The following NOTCH2NLA variants were observed in gnomAD, a reference collection of about 807,000 sequenced individuals.
NOTCH2NLA encodes the protein notch 2 N-terminal like A.
At chr1:146,224,004 C>T (rs1553819067) in intron 1 of NOTCH2NLA, among the ~76,000 whole-genome samples, 1 of 138,824 alleles carries the variant, frequency 7.2e-6, no homozygotes, top group Non-Finnish European at 1.6e-5. Context: ...GGATCAAAAT[C>T]ATGTGGCAGA....
intron 3 of NOTCH2NLA, among the ~76,000 whole-genome samples, chr1:146,159,383 GAGAAAGAGAGAGAA>G (rs1377908625): frequency 6.0e-5 from 8 of 132,922 alleles, no homozygotes; most frequent in African/African-American, 2.0e-4. Context: ...GAGAGGAAGA[GAGAAAGAGAGAGAA>G]AGAAAGAAAG....
chr1:146,160,019 C>T (rs1157086561), intron 3 of NOTCH2NLA, among the ~76,000 whole-genome samples: 2 of 51,754 alleles, frequency 3.9e-5, no homozygotes, highest in Non-Finnish European at 8.0e-5. Flanking sequence ...TTGCAGAACA[C>T]ACCAAGAAGA....
chr1:146,219,713 G>C (rs1664013412), intron 1 of NOTCH2NLA, among the ~76,000 whole-genome samples: 1 of 90,116 alleles, frequency 1.1e-5, no homozygotes, highest in South Asian at 3.0e-4. Context: ...AAATGGTAAA[G>C]ATTTTTAAAA....
intron 2 of NOTCH2NLA, among the ~76,000 whole-genome samples, chr1:146,180,045 G>A (rs587741959): frequency 4.3e-5 from 6 of 139,680 alleles, no homozygotes; most frequent in African/African-American, 1.5e-4. Context: ...ATAGTAGCCT[G>A]CTCAATAAAT....
chr1:146,186,356 CTTTT>C (rs4067774), intron 2 of NOTCH2NLA, among the ~76,000 whole-genome samples: 1 of 99,012 alleles, frequency 1.0e-5, no homozygotes, highest in Non-Finnish European at 2.4e-5. Context: ...GCTCCATTTT[CTTTT>C]TTTTTTTTTT....
chr1:146,228,858 G>C, exon 1 of NOTCH2NLA: 1 of 1,485,570 alleles, frequency 6.7e-7, no homozygotes, highest in Non-Finnish European at 8.9e-7. Context: ...CCCGATAGAG[G>C]AGCCCCACTC....
At chr1:146,180,657 C>T (rs1553809093) in intron 2 of NOTCH2NLA, among the ~76,000 whole-genome samples, 2 of 143,282 alleles carry the variant, frequency 1.4e-5, no homozygotes, top group African/African-American at 4.9e-5. Flanking sequence ...AAACAAAATG[C>T]ATAACACAGT....
chr1:146,185,655 T>C (rs1553810088), intron 2 of NOTCH2NLA, among the ~76,000 whole-genome samples: 1 of 131,202 alleles, frequency 7.6e-6, no homozygotes. Context: ...GCTGAATCAG[T>C]AGCATTATGC....
intron 1 of NOTCH2NLA, among the ~76,000 whole-genome samples, chr1:146,219,848 C>A: frequency 1.2e-5 from 1 of 85,676 alleles, no homozygotes; most frequent in Non-Finnish European, 2.1e-5. Context: ...TTTTCTAAAT[C>A]TAAGGGTAAA....
chr1:146,182,449 C>G (rs1343407337), intron 2 of NOTCH2NLA, among the ~76,000 whole-genome samples: 1 of 139,850 alleles, frequency 7.2e-6, no homozygotes, highest in Non-Finnish European at 1.6e-5. Flanking sequence ...AGAACAGACC[C>G]TAATACGCAA....
intron 1 of NOTCH2NLA, among the ~76,000 whole-genome samples, chr1:146,207,690 G>T: frequency 2.0e-5 from 1 of 48,806 alleles, no homozygotes; most frequent in East Asian, 3.9e-4. Flanking sequence ...CCAAAGTGCT[G>T]TTGGAGACCT....
chr1:146,180,613 G>T (rs1553809085), intron 2 of NOTCH2NLA, among the ~76,000 whole-genome samples: 1 of 143,294 alleles, frequency 7.0e-6, no homozygotes, highest in African/African-American at 2.4e-5. Context: ...CTTACGTTGG[G>T]TTGTAAGGTA....
chr1:146,180,719 C>T (rs1662509028), intron 2 of NOTCH2NLA, among the ~76,000 whole-genome samples: 1 of 141,884 alleles, frequency 7.0e-6, no homozygotes, highest in African/African-American at 2.4e-5. Context: ...CGGAGAGACA[C>T]TAAACTTCAT....
At chr1:146,229,006 A>C (rs1553820656) in exon 1 of NOTCH2NLA, 2 of 1,370,770 alleles carry the variant, frequency 1.5e-6, no homozygotes, top group East Asian at 2.7e-5. Flanking sequence ...AGTTTGGCTG[A>C]AACTTTCTCG....
At chr1:146,185,782 C>G (rs1662728673) in intron 2 of NOTCH2NLA, among the ~76,000 whole-genome samples, 1 of 133,816 alleles carries the variant, frequency 7.5e-6, no homozygotes, top group African/African-American at 2.5e-5. Flanking sequence ...CTTCAACTTT[C>G]TTTTCTTAAT....
intron 3 of NOTCH2NLA, among the ~76,000 whole-genome samples, chr1:146,159,429 A>AAGAAAG (rs1661365221): frequency 6.7e-6 from 1 of 150,266 alleles, no homozygotes; most frequent in South Asian, 2.1e-4. Context: ...GAAAGAAAGA[A>AAGAAAG]AGAAAGAAAG....
At position 146,174,702 on chromosome 1, in the gene NOTCH2NLA, T is replaced by G. The variant is rs1378048059; in HGVS notation, c.39-9692A>C. Among the ~76,000 whole-genome samples, 5 of 144,250 alleles carry G rather than the reference T, an allele frequency of 3.5e-5. No individual in the cohort carries two copies. The Admixed American group carries it at 3.6e-4, about 10-fold the overall frequency. The allele number at this position is 144,250 out of a possible 152,430, so 94.6% of individuals were successfully genotyped here. On this transcript the variant is annotated intron_variant, in intron 2 of 4. Transcript: ENST00000362074. The stretch of plus-strand genomic sequence containing the variant: ...AACAGAACTCTGCTTTCAACCCACT[T>G]TCTTCTTGCACTGGGCCTCTTGGCC...
intron 2 of NOTCH2NLA, among the ~76,000 whole-genome samples, chr1:146,187,861 T>C: frequency 1.5e-5 from 2 of 136,560 alleles, no homozygotes; most frequent in East Asian, 2.0e-4. Flanking sequence ...TTCCCCCAGC[T>C]AGAAAAACTA....
At chr1:146,187,151 A>G (rs587757793) in intron 2 of NOTCH2NLA, among the ~76,000 whole-genome samples, 2 of 127,468 alleles carry the variant, frequency 1.6e-5, no homozygotes, top group African/African-American at 5.2e-5. Context: ...TTCCTGTGTT[A>G]GTTTGCTGAG....
Sources: gnomAD v4.1 joint callset for allele counts (sites outside exome capture counted in the v4.1 genomes callset) on GRCh38, gnomAD v4.1.1 for gene constraint, MANE v1.5 for transcripts, NCBI Gene and HGNC (gene_info 2026-07-23, HGNC 2026-07-21) for gene names.